The following CHKA variants were observed in gnomAD, a reference collection of about 807,000 sequenced individuals.
CHKA encodes the protein CHETK-alpha.
In CHKA, 34 loss-of-function variants were observed where a neutral mutation model predicts 60.1. The observed-to-expected ratio is 0.57, with a 90% CI of 0.43 to 0.75. The LOEUF (loss-of-function observed/expected upper bound fraction) is 0.75, where lower values mean the gene tolerates loss of function less well. CHKA is among the 30% of genes least tolerant of loss of function. The pLI, the probability that CHKA is intolerant of heterozygous loss-of-function variation, is 0.00. For missense variants in CHKA, 563 were observed against 561.3 expected (o/e 1.00, Z -0.03); for synonymous variants, 217 against 223.1 (o/e 0.97, Z 0.24).
At chr11:68,118,103 C>T (rs1858462161) in intron 1 of CHKA, among the ~76,000 whole-genome samples, 1 of 152,138 alleles carries the variant, frequency 6.6e-6, no homozygotes, top group African/African-American at 2.4e-5. Flanking sequence ...GAAGTCTCAT[C>T]AACTACTGCA....
chr11:68,067,242 C>T (rs1257479631), intron 7 of CHKA, among the ~76,000 whole-genome samples: 1 of 152,208 alleles, frequency 6.6e-6, no homozygotes, highest in Non-Finnish European at 1.5e-5. Context: ...CTTAGGATTT[C>T]TAGTGGAGGT....
chr11:68,059,643 T>C (rs1856149047), intron 11 of CHKA, among the ~76,000 whole-genome samples: 2 of 152,256 alleles, frequency 1.3e-5, no homozygotes, highest in Non-Finnish European at 2.9e-5. Context: ...TTAATTTCTT[T>C]GACCCAGGGT....
chr11:68,057,616 G>T (rs1039937167), intron 11 of CHKA, among the ~76,000 whole-genome samples: 1 of 152,236 alleles, frequency 6.6e-6, no homozygotes, highest in African/African-American at 2.4e-5. Context: ...ACCGCGACCA[G>T]TCTAGGTCAC....
chr11:68,057,474 C>G (rs1243106793), intron 11 of CHKA, among the ~76,000 whole-genome samples: 2 of 152,052 alleles, frequency 1.3e-5, no homozygotes, highest in African/African-American at 2.4e-5. Context: ...CACCTGCCAC[C>G]AGGCCCGGCT....
chr11:68,117,487 G>A (rs1858435828), intron 1 of CHKA, among the ~76,000 whole-genome samples: 4 of 152,056 alleles, frequency 2.6e-5, no homozygotes, highest in Non-Finnish European at 5.9e-5. Flanking sequence ...TCAGGAGTTC[G>A]AGACCAGCCT....
chr11:68,076,663 A>C (rs1856800622), intron 3 of CHKA, among the ~76,000 whole-genome samples: 3 of 152,010 alleles, frequency 2.0e-5, no homozygotes, highest in African/African-American at 7.3e-5. Context: ...AGCATTTTGC[A>C]CATCATGTCC....
chr11:68,086,601 G>C (rs930863161), intron 2 of CHKA, among the ~76,000 whole-genome samples: 5 of 152,244 alleles, frequency 3.3e-5, no homozygotes, highest in African/African-American at 1.2e-4. Context: ...TGAAAACAAA[G>C]CAGCACCTCA....
chr11:68,090,913 G>A (rs1446230782), intron 2 of CHKA, among the ~76,000 whole-genome samples: 1 of 152,204 alleles, frequency 6.6e-6, no homozygotes, highest in Non-Finnish European at 1.5e-5. Context: ...GACAGAGGAA[G>A]GGACAAAGCA....
intron 11 of CHKA, among the ~76,000 whole-genome samples, chr11:68,058,312 CTT>C (rs1856101695): frequency 6.6e-6 from 1 of 152,192 alleles, no homozygotes; most frequent in Admixed American, 6.5e-5. Context: ...ATTCCAGACT[CTT>C]TGCATTTTCA....
chr11:68,085,697 G>C (rs901375607), intron 2 of CHKA, among the ~76,000 whole-genome samples: 8 of 152,074 alleles, frequency 5.3e-5, no homozygotes, highest in African/African-American at 1.9e-4. Flanking sequence ...AAATACATTT[G>C]ATACAAGGTT....
At position 68,121,352 on chromosome 11, in the gene CHKA, G is replaced by A. The variant is rs1439540376; in HGVS notation, c.-175C>T. 1.1e-5 allele frequency: 3 copies of A among 277,362 alleles called. No homozygotes were observed. Among genetic ancestry groups the A allele is most frequent in the Non-Finnish European group, 1.7e-5 (3 of 177,702 alleles). The allele number at this position is 277,362 out of a possible 1,614,324, so 17.2% of individuals were successfully genotyped here. On this transcript the variant is annotated 5_prime_UTR_variant, in exon 1 of 12. Transcript: ENST00000265689. ...CTGCGGCGACTGCGGCGACTGTGGA[G>A]CGGGGATGTGCTGCTGGCCGCTGCA...
intron 1 of CHKA, among the ~76,000 whole-genome samples, chr11:68,116,495 T>C (rs1204659117): frequency 2.0e-5 from 3 of 151,782 alleles, no homozygotes; most frequent in African/African-American, 7.3e-5. Context: ...AGGCGGATCA[T>C]GAGGTCAGGA....
chr11:68,069,215 A>T (rs1313115486), intron 6 of CHKA, among the ~76,000 whole-genome samples: 2 of 152,034 alleles, frequency 1.3e-5, no homozygotes, highest in Non-Finnish European at 2.9e-5. Flanking sequence ...CCCCTTAGAC[A>T]GCCCTTCTCT....
rs1408588451 is a variant in CHKA, at chr11:68,097,045, G to A, written c.436C>T (p.Arg146Trp). Reference protein sequence around the residue: ...LGDEPRKVLLRLYGAILQMRS... With the variant: ...LGDEPRKVLLWLYGAILQMRS... ...ATCTGCAAAATCGCTCCATACAGCC[G>A]CAGGAGCACTTTCCGAGGCTCATCA... The change falls in exon 2 of 12, where the codon CGG becomes TGG. Residue 146 changes from arginine to tryptophan, a missense_variant. Coordinates refer to ENST00000265689, the MANE Select transcript of CHKA (RefSeq NM_001277.3). 1 of 1,612,950 alleles carries A rather than the reference G, an allele frequency of 6.2e-7. No individual in the cohort carries two copies. The highest frequency in any genetic ancestry group is 8.5e-7 in the Non-Finnish European group (1 of 1,179,424).
At chr11:68,078,949 TTA>T (rs1856880961) in intron 3 of CHKA, among the ~76,000 whole-genome samples, 3 of 151,956 alleles carry the variant, frequency 2.0e-5, no homozygotes, top group African/African-American at 7.3e-5. Context: ...ATTATTATTA[TTA>T]TTTTTTTTTT....
chr11:68,110,797 G>A (rs1052813650), intron 1 of CHKA, among the ~76,000 whole-genome samples: 5 of 151,886 alleles, frequency 3.3e-5, no homozygotes, highest in South Asian at 4.2e-4. Context: ...CAGGAGTTCC[G>A]AGACCAGCCT....
rs755307497 is a variant in CHKA, at chr11:68,074,835, AAC to A, written c.517-7_517-6del. 6.2e-7 allele frequency: 1 copy of A among 1,613,810 alleles called. No individual in the cohort carries two copies. Among genetic ancestry groups the A allele is most frequent in the South Asian group, 1.1e-5 (1 of 91,056 alleles). On this transcript the variant is annotated splice_region_variant and splice_polypyrimidine_tract_variant and intron_variant, in intron 3 of 11. Transcript: ENST00000265689. The stretch of plus-strand genomic sequence containing the variant: ...CAGAACCATGGCCTCAGCCCCCTAA[AAC>A]AGATGGCAACAAATCAGGTGTTTAC...
At chr11:68,077,406 A>G (rs1296054177) in intron 3 of CHKA, among the ~76,000 whole-genome samples, 1 of 152,172 alleles carries the variant, frequency 6.6e-6, no homozygotes, top group African/African-American at 2.4e-5. Flanking sequence ...CATGGTAAAA[A>G]GGGGGCTGGA....
At chr11:68,083,209 C>T (rs891122130) in intron 2 of CHKA, among the ~76,000 whole-genome samples, 4 of 152,092 alleles carry the variant, frequency 2.6e-5, no homozygotes, top group Non-Finnish European at 2.9e-5. Flanking sequence ...TGGTATAGCA[C>T]GAGGCAAGTG....
Sources: allele counts gnomAD v4.1 joint callset (sites outside exome capture counted in the v4.1 genomes callset), GRCh38; gene constraint gnomAD v4.1.1; transcripts MANE v1.5; gene names NCBI Gene and HGNC (gene_info 2026-07-23, HGNC 2026-07-21).